GPA33: variants seen among roughly 807,000 people sequenced by gnomAD.
GPA33 encodes the protein glycoprotein A33.
In GPA33, 27 loss-of-function variants were observed where a neutral mutation model predicts 35.6. That is an observed-to-expected ratio of 0.76 (90% confidence interval 0.56 to 1.04). GPA33 has a LOEUF of 1.04. Among genes scored for constraint, GPA33 ranks in the 50% least tolerant of loss-of-function variants. The probability of loss-of-function intolerance (pLI) is 0.00; values close to 1 mark genes in which losing one functional copy is unlikely to be tolerated. For missense variants in GPA33, 428 were observed against 411.9 expected, an observed-to-expected ratio of 1.04 and a Z score of -0.34; for synonymous variants, 176 against 164.0, an observed-to-expected ratio of 1.07 and a Z score of -0.56.
chr1:167,063,671 G>A lies in GPA33; in HGVS notation c.482C>T (p.Thr161Ile). 1 of 1,613,618 alleles carries A rather than the reference G, an allele frequency of 6.2e-7. No homozygotes were observed. The highest frequency in any genetic ancestry group is 1.1e-5 in the South Asian group (1 of 91,050). The change falls in exon 4 of 7, where the codon ACC becomes ATC. Residue 161 changes from threonine to isoleucine, a missense_variant. By Grantham distance (89) the Thr-to-Ile change is moderately conservative (BLOSUM62 -1). Transcript: ENST00000367868. ...ETIIGNNIQLTCQSKEGSPTP... is the reference protein window; with the variant it reads ...ETIIGNNIQLICQSKEGSPTP... ...TGGTGAGCCCTCCTTTGATTGGCAGGTCAGCTGGATGTTGTTCCCAATTAT... is the reference window on the plus strand; with the variant it reads ...TGGTGAGCCCTCCTTTGATTGGCAGATCAGCTGGATGTTGTTCCCAATTAT...
intron 2 of GPA33, 81 bp from the exon 3 acceptor site, chr1:167,069,219 C>T (rs1434639043): frequency 4.5e-6 from 4 of 892,634 alleles, no homozygotes; most frequent in South Asian, 1.5e-5. Flanking sequence ...CTACCCTCAT[C>T]CCCCAGTTTC....
intron 4 of GPA33, among the ~76,000 whole-genome samples, chr1:167,056,868 GTGTGT>G (rs1666313706): frequency 5.6e-4 from 47 of 83,882 alleles, no homozygotes; most frequent in Non-Finnish European, 6.6e-4. Context: ...TGTGTGTGTG[GTGTGT>G]GGTGTGTGTG....
At position 167,054,091 on chromosome 1, in the gene GPA33, G is replaced by A; in HGVS notation, c.*243C>T. The A allele has an allele frequency of 1.8e-6, 1 of 542,142 alleles. No homozygotes were observed. Among genetic ancestry groups the A allele is most frequent in the Admixed American group, 3.2e-5 (1 of 31,250 alleles). 33.6% of individuals were successfully genotyped at this position (542,142 alleles called of 1,614,324 possible). On this transcript the variant is annotated 3_prime_UTR_variant, in exon 7 of 7. Coordinates refer to ENST00000367868, the MANE Select transcript of GPA33 (RefSeq NM_005814.3). ...CAGCCTGGTCTTGAGTGAGGGCCAG[G>A]CCCGCACCAGGTGTCACAGCCAGGA...
chr1:167,073,337 C>A, intron 2 of GPA33, 48 bp downstream of exon 2: 1 of 1,517,772 alleles, frequency 6.6e-7, no homozygotes, highest in South Asian at 1.2e-5. Context: ...AGGTCCTGGT[C>A]AGGTGATAAT....
At chr1:167,073,025 A>AC (rs199761639) in intron 2 of GPA33, among the ~76,000 whole-genome samples, 2 of 152,000 alleles carry the variant, frequency 1.3e-5, no homozygotes, top group African/African-American at 4.8e-5. Context: ...GAAAAAAAAA[A>AC]CAAAACTCCT....
chr1:167,089,297 C>G (rs1667113039), intron 1 of GPA33, among the ~76,000 whole-genome samples: 1 of 152,138 alleles, frequency 6.6e-6, no homozygotes, highest in South Asian at 2.1e-4. Flanking sequence ...AGCTCTAAAC[C>G]AGTCTCCTGG....
Position 167,065,813 on chromosome 1 carries a change from G to T in GPA33, c.416-2076C>A, listed in dbSNP as rs542253418. The stretch of plus-strand genomic sequence containing the variant: ...CCTGATTGTCACTTTCCCTTGGATG[G>T]TTCCTAAACATAAGAGGTCCAAAGT... On this transcript the variant is annotated intron_variant, in intron 3 of 6. Coordinates refer to ENST00000367868, the MANE Select transcript of GPA33 (RefSeq NM_005814.3). Among the ~76,000 whole-genome samples the T allele has an allele frequency of 4.7e-4, 72 of 152,256 alleles. No homozygotes were observed. In the South Asian group the frequency reaches 5.0e-3, roughly 11 times the overall value.
chr1:167,069,094 A>G lies in GPA33; in HGVS notation c.243T>C (p.His81=), dbSNP rs373648917. The G allele has an allele frequency of 4.3e-5, 70 of 1,613,966 alleles. No homozygotes were observed. The highest frequency in any genetic ancestry group is 1.3e-4 in the East Asian group (6 of 44,874). ...IWPFSNKNYI[H]GELYKNRVSI... is the part of the protein sequence containing the mutation. ...TGACGCGATTCTTATAAAGCTCACC[A>G]TGGATGTAGTTTTTGTTTGAAAACG... The change falls in exon 3 of 7, where the codon CAT becomes CAC. Residue 81 remains histidine (H), a synonymous_variant. Transcript: ENST00000367868.
chr1:167,060,223 C>T (rs1410761696), intron 4 of GPA33, among the ~76,000 whole-genome samples: 4 of 152,192 alleles, frequency 2.6e-5, no homozygotes, highest in Non-Finnish European at 4.4e-5. Flanking sequence ...CAGGCACACA[C>T]CACCATGCCA....
chr1:167,090,273 C>T lies in GPA33; in HGVS notation c.15G>A (p.Met5Ile). ...CACAGAGTGTCCACAACACAGGCCACATCTTCCCCACCATGGTCTTGCTTC... is the reference window on the plus strand; with the variant it reads ...CACAGAGTGTCCACAACACAGGCCATATCTTCCCCACCATGGTCTTGCTTC... Reference protein sequence around the residue: MVGKMWPVLWTLCAV... With the variant: MVGKIWPVLWTLCAV... The change falls in exon 1 of 7, where the codon ATG (methionine) becomes ATA (isoleucine). Residue 5 changes from methionine (M) to isoleucine (I), a missense_variant. Transcript: ENST00000367868. 6.2e-7 allele frequency: 1 copy of T among 1,613,764 alleles called. No individual in the cohort carries two copies. The highest frequency in any genetic ancestry group is 8.5e-7 in the Non-Finnish European group (1 of 1,179,660).
intron 1 of GPA33, among the ~76,000 whole-genome samples, chr1:167,080,780 G>A (rs1236846758): frequency 6.6e-6 from 1 of 152,202 alleles, no homozygotes; most frequent in East Asian, 1.9e-4. Flanking sequence ...CTGCTGCCCT[G>A]TGTTTTCTTC....
intron 1 of GPA33, among the ~76,000 whole-genome samples, chr1:167,084,810 A>G (rs1667018795): frequency 6.6e-6 from 1 of 152,238 alleles, no homozygotes. Context: ...CAAATTGCTA[A>G]TTTAAGAGGA....
chr1:167,061,283 A>G (rs1303680312), intron 4 of GPA33, among the ~76,000 whole-genome samples: 1 of 152,188 alleles, frequency 6.6e-6, no homozygotes, highest in Non-Finnish European at 1.5e-5. Flanking sequence ...CTATTATAGC[A>G]TCTGCCACCT....
At position 167,068,965 on chromosome 1, in the gene GPA33, G is replaced by T; in HGVS notation, c.372C>A (p.Asp124Glu). 6.2e-7 allele frequency: 1 copy of T among 1,613,688 alleles called. No homozygotes were observed. The highest frequency in any genetic ancestry group is 8.5e-7 in the Non-Finnish European group (1 of 1,180,010). Residue 124 changes from aspartate (D) to glutamate (E), a missense_variant, in exon 3 of 7, where the codon GAC becomes GAA. Transcript: ENST00000367868. ...TYECSVSLMS[D>E]LEGNTKSRVR... The stretch of plus-strand genomic sequence containing the variant: ...CACGTGACTTGGTGTTGCCCTCCAG[G>T]TCTGACATCAGCGAGACAGAACACT...
chr1:167,062,646 C>CTTTTTTTTT lies in GPA33; in HGVS notation c.571+927_571+935dup, dbSNP rs768326263. Among the ~76,000 whole-genome samples, 426 of 79,884 alleles carry CTTTTTTTTT rather than the reference C, an allele frequency of 5.3e-3. 12 individuals are homozygous for CTTTTTTTTT. The highest frequency in any genetic ancestry group is 7.7e-3 in the East Asian group (22 of 2,856). The allele number at this position is 79,884 out of a possible 152,430, so 52.4% of individuals were successfully genotyped here. A position where few individuals can be genotyped will look rare whatever the true frequency, so the allele number is the denominator to read the frequency against. ...TGGTAGGATTTTTATATAGCTCTTT[C>CTTTTTTTTT]TTTTTTTTTTTTTTTTTTTTTCAGT... On this transcript the variant is annotated intron_variant, in intron 4 of 6. Transcript: ENST00000367868.
In GPA33 at chr1:167,054,208, A is replaced by C; in HGVS notation, c.*126T>G. 2.4e-5 allele frequency: 29 copies of C among 1,227,394 alleles called. No homozygotes were observed. The highest frequency in any genetic ancestry group is 3.1e-5 in the Non-Finnish European group (27 of 867,358). The allele number at this position is 1,227,394 out of a possible 1,614,324, so 76.0% of individuals were successfully genotyped here. On this transcript the variant is annotated 3_prime_UTR_variant, in exon 7 of 7. Transcript: ENST00000367868. Reference sequence around the variant, plus strand: ...TGTTCCCCACAGCTGACACTGGGGAAGAAATGTCCCCATCAATGTCTGGGA... The same window carrying C: ...TGTTCCCCACAGCTGACACTGGGGACGAAATGTCCCCATCAATGTCTGGGA...
chr1:167,087,932 A>ACACACACACACACAC (rs374217623), intron 1 of GPA33, among the ~76,000 whole-genome samples: 6 of 151,780 alleles, frequency 4.0e-5, no homozygotes, highest in Non-Finnish European at 7.4e-5. Flanking sequence ...ACACACACAC[A>ACACACACACACACAC]AAGCAGACCA....
In GPA33 at chr1:167,063,678, G is replaced by GCCAATCA; in HGVS notation, c.474_475insTGATTGG (p.Gln159Ter). 1 of 1,613,648 alleles carries GCCAATCA rather than the reference G, an allele frequency of 6.2e-7. No individual in the cohort carries two copies. Among genetic ancestry groups the GCCAATCA allele is most frequent in the Non-Finnish European group, 8.5e-7 (1 of 1,179,926 alleles). ...CCCTCCTTTGATTGGCAGGTCAGCT[G>GCCAATCA]GATGTTGTTCCCAATTATGGTCTCT... On this transcript the variant is annotated stop_gained and frameshift_variant, in exon 4 of 7. Coordinates refer to ENST00000367868, the MANE Select transcript of GPA33 (RefSeq NM_005814.3). LOFTEE classifies it high-confidence loss of function.
intron 4 of GPA33, among the ~76,000 whole-genome samples, chr1:167,060,355 G>C (rs1459419152): frequency 6.6e-6 from 1 of 152,196 alleles, no homozygotes; most frequent in East Asian, 1.9e-4. Flanking sequence ...TTACAGGCAT[G>C]AGCCACACTG....
Sources: allele counts gnomAD v4.1 joint callset (sites outside exome capture counted in the v4.1 genomes callset), GRCh38; gene constraint gnomAD v4.1.1; transcripts MANE v1.5; gene names NCBI Gene and HGNC (gene_info 2026-07-23, HGNC 2026-07-21).